The following LPP variants were observed in gnomAD, a reference collection of about 807,000 sequenced individuals.
The protein encoded by LPP is LIM domain containing preferred translocation partner in lipoma.
In LPP, 38 loss-of-function variants were observed where a neutral mutation model predicts 60.4. The observed-to-expected ratio is 0.63, with a 90% CI of 0.49 to 0.83. LPP has a LOEUF of 0.83. LPP is among the 40% of genes least tolerant of loss of function. The pLI is 0.00. For synonymous variants in LPP, 328 were observed against 290.8 expected (o/e 1.13, Z -1.30); for missense variants, 902 against 783.6 (o/e 1.15, Z -1.80).
At chr3:188,176,833 T>C (rs886749213) in intron 1 of LPP, among the ~76,000 whole-genome samples, 1 of 152,192 alleles carries the variant, frequency 6.6e-6, no homozygotes, top group African/African-American at 2.4e-5. Context: ...AGTGGCTTCT[T>C]GAGCAGTATG....
chr3:188,239,351 A>G (rs1723033649), intron 2 of LPP, among the ~76,000 whole-genome samples: 1 of 152,254 alleles, frequency 6.6e-6, no homozygotes, highest in African/African-American at 2.4e-5. Flanking sequence ...ATTTAAAACA[A>G]AACAAATGGC....
intron 2 of LPP, among the ~76,000 whole-genome samples, chr3:188,229,303 C>T (rs894672290): frequency 6.6e-6 from 1 of 152,120 alleles, no homozygotes; most frequent in Admixed American, 6.5e-5. Context: ...CTGCTCCAGG[C>T]GTGACTAGCC....
chr3:188,489,987 C>T (rs989003753), intron 5 of LPP, among the ~76,000 whole-genome samples: 1 of 152,164 alleles, frequency 6.6e-6, no homozygotes, highest in South Asian at 2.1e-4. Flanking sequence ...GCTAATGTAA[C>T]TCCAGGCCCT....
intron 2 of LPP, among the ~76,000 whole-genome samples, chr3:188,287,536 T>C (rs1744360433): frequency 6.6e-6 from 1 of 152,230 alleles, no homozygotes; most frequent in African/African-American, 2.4e-5. Flanking sequence ...TTCTCGTTGC[T>C]GTCAAATCTG....
At chr3:188,338,389 C>T (rs970190963) in intron 2 of LPP, among the ~76,000 whole-genome samples, 2 of 152,278 alleles carry the variant, frequency 1.3e-5, no homozygotes, top group East Asian at 1.9e-4. Context: ...TGGGGACAGA[C>T]TTCTATGTTT....
At chr3:188,414,981 G>A (rs1785814629) in intron 4 of LPP, among the ~76,000 whole-genome samples, 1 of 152,062 alleles carries the variant, frequency 6.6e-6, no homozygotes, top group South Asian at 2.1e-4. Context: ...CTGTATTGTT[G>A]ACAGAAATCT....
intron 9 of LPP, among the ~76,000 whole-genome samples, chr3:188,810,805 G>T (rs969112425): frequency 2.0e-5 from 3 of 152,068 alleles, no homozygotes; most frequent in African/African-American, 7.2e-5. Flanking sequence ...ATTATTGTAT[G>T]GGTGGGAGTG....
intron 7 of LPP, among the ~76,000 whole-genome samples, chr3:188,657,176 TA>T (rs1853403407): frequency 2.7e-5 from 4 of 149,880 alleles, no homozygotes; most frequent in Admixed American, 2.7e-4. Flanking sequence ...TGAATTCAAT[TA>T]TTTTTTTCCT....
At chr3:188,371,858 ATGTTG>A (rs1773358743) in intron 3 of LPP, among the ~76,000 whole-genome samples, 2 of 150,992 alleles carry the variant, frequency 1.3e-5, no homozygotes, top group African/African-American at 4.9e-5. Flanking sequence ...GGGTTTCGCC[ATGTTG>A]GCCAGGCTGG....
chr3:188,265,591 T>G (rs1040502147), intron 2 of LPP, among the ~76,000 whole-genome samples: 1 of 152,048 alleles, frequency 6.6e-6, no homozygotes, highest in Non-Finnish European at 1.5e-5. Context: ...GGCTTTGCTG[T>G]GGGGATTGGG....
chr3:188,481,357 C>A (rs765323519), intron 4 of LPP, among the ~76,000 whole-genome samples: 24 of 152,184 alleles, frequency 1.6e-4, no homozygotes, highest in Non-Finnish European at 3.4e-4. Context: ...TTTGGTCTGA[C>A]TTAATAATTG....
At chr3:188,757,808 G>A (rs1007649973) in intron 8 of LPP, among the ~76,000 whole-genome samples, 25 of 149,798 alleles carry the variant, frequency 1.7e-4, no homozygotes, top group African/African-American at 4.9e-4. Context: ...ATGAAATGTT[G>A]TCAAAGGGTG....
At chr3:188,296,556 C>T (rs1162955197) in intron 2 of LPP, among the ~76,000 whole-genome samples, 1 of 152,184 alleles carries the variant, frequency 6.6e-6, no homozygotes, top group Non-Finnish European at 1.5e-5. Context: ...GTCACCAAGT[C>T]CTTTCCCAGC....
At chr3:188,642,702 C>T (rs1243076793) in intron 7 of LPP, among the ~76,000 whole-genome samples, 4 of 151,990 alleles carry the variant, frequency 2.6e-5, no homozygotes, top group Admixed American at 2.0e-4. Context: ...TTTGGGAGGC[C>T]GAGGCAGGCA....
chr3:188,205,409 G>T (rs1202614529), intron 1 of LPP, among the ~76,000 whole-genome samples: 1 of 149,322 alleles, frequency 6.7e-6, no homozygotes, highest in East Asian at 2.0e-4. Flanking sequence ...AGCCTCCCAA[G>T]TAGCTGGGAT....
intron 6 of LPP, among the ~76,000 whole-genome samples, chr3:188,557,070 G>C (rs529395076): frequency 6.6e-6 from 1 of 152,006 alleles, no homozygotes; most frequent in Non-Finnish European, 1.5e-5. Context: ...CCCTACGGTA[G>C]ATAGCTTTGT....
intron 3 of LPP, among the ~76,000 whole-genome samples, chr3:188,349,504 AT>A (rs1160498008): frequency 1.3e-5 from 2 of 152,186 alleles, no homozygotes; most frequent in Non-Finnish European, 2.9e-5. Context: ...TAAAATTCCC[AT>A]TTGATAAGTG....
At chr3:188,530,700 C>CA (rs1821956061) in intron 6 of LPP, among the ~76,000 whole-genome samples, 1 of 152,230 alleles carries the variant, frequency 6.6e-6, no homozygotes, top group African/African-American at 2.4e-5. Flanking sequence ...TGGTTTATTC[C>CA]AAAAAGTCTT....
At chr3:188,705,761 C>A (rs182457277) in intron 7 of LPP, among the ~76,000 whole-genome samples, 1 of 151,932 alleles carries the variant, frequency 6.6e-6, no homozygotes, top group African/African-American at 2.4e-5. Context: ...GGATTACAGG[C>A]GTGCATTATC....
Sources: gnomAD v4.1 joint callset for allele counts (sites outside exome capture counted in the v4.1 genomes callset) on GRCh38, gnomAD v4.1.1 for gene constraint, MANE v1.5 for transcripts, NCBI Gene and HGNC (gene_info 2026-07-23, HGNC 2026-07-21) for gene names.